Variants in SLC25A16 observed in about 807,000 individuals in gnomAD.
SLC25A16 encodes the protein mitochondrial coenzyme A transporter SLC25A16.
SLC25A16 carries 39 observed loss-of-function variants against 41.5 expected under a neutral mutation model. That is an observed-to-expected ratio of 0.94 (90% CI 0.73 to 1.23). The LOEUF is 1.23. Ranked by LOEUF, SLC25A16 falls within the 50% of genes most tolerant of loss-of-function variation. The pLI is 0.00. For missense variants in SLC25A16, 421 were observed against 426.9 expected (o/e 0.99, Z 0.12); for synonymous variants, 146 against 147.8 (o/e 0.99, Z 0.09).
chr10:68,485,129 T>G (rs762199112), intron 8 of SLC25A16, among the ~76,000 whole-genome samples: 11 of 152,226 alleles, frequency 7.2e-5, no homozygotes, highest in Non-Finnish European at 1.6e-4. Context: ...GCAGCCTCGC[T>G]GCCAGGCTGG....
intron 4 of SLC25A16, among the ~76,000 whole-genome samples, chr10:68,501,234 G>C (rs778701432): frequency 4.0e-5 from 6 of 151,806 alleles, no homozygotes; most frequent in Non-Finnish European, 5.9e-5. Context: ...CTGGGCGACA[G>C]AGAGGGACTC....
chr10:68,507,203 G>A (rs1385990902), intron 2 of SLC25A16, among the ~76,000 whole-genome samples: 1 of 150,996 alleles, frequency 6.6e-6, no homozygotes, highest in East Asian at 2.0e-4. Flanking sequence ...CTCCCAAGTA[G>A]CTGGGATTAC....
At chr10:68,526,336 C>T (rs2053337636) in intron 1 of SLC25A16, among the ~76,000 whole-genome samples, 1 of 152,202 alleles carries the variant, frequency 6.6e-6, no homozygotes, top group African/African-American at 2.4e-5. Flanking sequence ...GAGCACAGCA[C>T]TTAATCCTTT....
intron 7 of SLC25A16, 102 bp from the exon 8 acceptor site, chr10:68,487,314 G>T: frequency 1.2e-6 from 1 of 812,950 alleles, no homozygotes; most frequent in Non-Finnish European, 2.1e-6. Flanking sequence ...ACGTGTTACT[G>T]CTCTTATTGT....
At chr10:68,522,452 G>A (rs1400447147) in intron 1 of SLC25A16, among the ~76,000 whole-genome samples, 1 of 152,036 alleles carries the variant, frequency 6.6e-6, no homozygotes, top group African/African-American at 2.4e-5. Context: ...GGCCAAGGCA[G>A]GTGGATCACT....
chr10:68,520,318 C>A (rs2053229570), intron 1 of SLC25A16, among the ~76,000 whole-genome samples: 2 of 152,114 alleles, frequency 1.3e-5, no homozygotes, highest in African/African-American at 4.8e-5. Context: ...TGCAATTTCA[C>A]TTTCTGCAGT....
At chr10:68,490,729 A>G (rs1466224417) in intron 6 of SLC25A16, among the ~76,000 whole-genome samples, 1 of 152,102 alleles carries the variant, frequency 6.6e-6, no homozygotes, top group Non-Finnish European at 1.5e-5. Context: ...AAATACTTCC[A>G]GACAGATTAG....
chr10:68,513,834 G>A (rs2457459), intron 2 of SLC25A16, among the ~76,000 whole-genome samples: 11,642 of 151,958 alleles, frequency 0.077, 655 homozygotes, highest in African/African-American at 0.15. Context: ...AGGTTGCAGT[G>A]AGCTGTGATT....
chr10:68,480,825 T>C lies in SLC25A16; in HGVS notation c.*2607A>G, dbSNP rs1429892313. 6.6e-6 allele frequency: 1 copy of C among 151,746 alleles called. No homozygotes were observed. Among genetic ancestry groups the C allele is most frequent in the Non-Finnish European group, 1.5e-5 (1 of 67,964 alleles). The allele number at this position is 151,746 out of a possible 1,614,324, so 9.4% of individuals were successfully genotyped here. On this transcript the variant is annotated 3_prime_UTR_variant, in exon 9 of 9. Transcript: ENST00000609923. ...ACTTATTTTATATACTTAAATTATC[T>C]TAACATTTAATAACAATAATTAGCT...
Position 68,481,031 on chromosome 10 carries a change from T to C in SLC25A16, c.*2401A>G, listed in dbSNP as rs566684358. The C allele has an allele frequency of 6.6e-6, 1 of 152,178 alleles. No homozygotes were observed. The highest frequency in any genetic ancestry group is 1.9e-4 in the East Asian group (1 of 5,160). 9.4% of individuals were successfully genotyped at this position (152,178 alleles called of 1,614,324 possible). A position where few individuals can be genotyped will look rare whatever the true frequency, so the allele number is the denominator to read the frequency against. On this transcript the variant is annotated 3_prime_UTR_variant, in exon 9 of 9. Transcript: ENST00000609923. ...CAGGCTTTTATACAGCCACCCAGGC[T>C]GGAGTGCAATGGCGCAATCTTGGCT...
chr10:68,504,978 C>T (rs2052927851), intron 3 of SLC25A16, among the ~76,000 whole-genome samples: 1 of 152,182 alleles, frequency 6.6e-6, no homozygotes, highest in South Asian at 2.1e-4. Flanking sequence ...CTGTGCCCAG[C>T]CAGTTTCACT....
At chr10:68,485,941 G>A (rs2052553058) in intron 8 of SLC25A16, among the ~76,000 whole-genome samples, 1 of 151,334 alleles carries the variant, frequency 6.6e-6, no homozygotes, top group Non-Finnish European at 1.5e-5. Flanking sequence ...GGGACTACAG[G>A]TGCCTGCCAC....
rs1255718783 is a variant in SLC25A16 at position 68,516,214 on chromosome 10, A to G, written c.223+537T>C. 2.0e-5 allele frequency among the ~76,000 whole-genome samples: 3 copies of G among 152,284 alleles called. No individual in the cohort carries two copies. The East Asian group carries it at 5.8e-4, about 29-fold the overall frequency. On this transcript the variant is annotated intron_variant, in intron 2 of 8. Coordinates refer to ENST00000609923, the MANE Select transcript of SLC25A16 (RefSeq NM_152707.4). Reference sequence around the variant, plus strand: ...TTTTGCCACGAAAGTACACCGAACAAAGGAGACAGGGTCATTTATAACCTG... The same window carrying G: ...TTTTGCCACGAAAGTACACCGAACAGAGGAGACAGGGTCATTTATAACCTG...
At chr10:68,486,226 CAAAACAAAAAA>C (rs1394513864) in intron 8 of SLC25A16, among the ~76,000 whole-genome samples, 4 of 54,778 alleles carry the variant, frequency 7.3e-5, no homozygotes, top group Admixed American at 2.2e-4. Flanking sequence ...CTCAAAAAAA[CAAAACAAAAAA>C]AAAAAAAAAA....
chr10:68,527,466 C>T lies in SLC25A16; in HGVS notation c.-91G>A. On this transcript the variant is annotated 5_prime_UTR_variant, in exon 1 of 9. Coordinates refer to ENST00000609923, the MANE Select transcript of SLC25A16 (RefSeq NM_152707.4). ...GGAACAGGCGGTGACAGGAGGCTGACCGCCCCGCCGGCGGGGCAAAGTAAC... is the reference window on the plus strand; with the variant it reads ...GGAACAGGCGGTGACAGGAGGCTGATCGCCCCGCCGGCGGGGCAAAGTAAC... 1 of 1,293,238 alleles carries T rather than the reference C, an allele frequency of 7.7e-7. No individual in the cohort carries two copies. Among genetic ancestry groups the T allele is most frequent in the Non-Finnish European group, 1.0e-6 (1 of 991,692 alleles). 80.1% of individuals were successfully genotyped at this position (1,293,238 alleles called of 1,614,324 possible). A position where few individuals can be genotyped will look rare whatever the true frequency, so the allele number is the denominator to read the frequency against.
intron 1 of SLC25A16, among the ~76,000 whole-genome samples, chr10:68,523,969 C>T (rs994839897): frequency 6.6e-6 from 1 of 151,644 alleles, no homozygotes; most frequent in African/African-American, 2.4e-5. Context: ...GGCACAGTGG[C>T]TCACGCCTGT....
At chr10:68,517,327 A>G (rs1456982974) in intron 1 of SLC25A16, 1 of 811,534 alleles carries the variant, frequency 1.2e-6, no homozygotes, top group Middle Eastern at 6.4e-4. Flanking sequence ...CCATTTATAC[A>G]TTCAGCAAAT....
At chr10:68,515,747 G>A (rs980860568) in intron 2 of SLC25A16, among the ~76,000 whole-genome samples, 4 of 152,092 alleles carry the variant, frequency 2.6e-5, no homozygotes, top group African/African-American at 7.2e-5. Context: ...GCAGTGAGCC[G>A]AGGTCGCGCC....
At chr10:68,517,797 C>T (rs950941580) in intron 1 of SLC25A16, 1 of 151,822 alleles carries the variant, frequency 6.6e-6, no homozygotes, top group African/African-American at 2.4e-5. Context: ...GGTGAAACCC[C>T]GTCTCTATCA....
Sources: gnomAD v4.1 joint callset for allele counts (sites outside exome capture counted in the v4.1 genomes callset) on GRCh38, gnomAD v4.1.1 for gene constraint, MANE v1.5 for transcripts, NCBI Gene and HGNC (gene_info 2026-07-23, HGNC 2026-07-21) for gene names.